Variants in DYSF observed in about 807,000 individuals in gnomAD.
The protein encoded by DYSF is dysferlin, also known as dystrophy-associated fer-1-like 1.
Under a neutral mutation model 274.9 loss-of-function variants are expected in DYSF, and 212 were observed. The observed-to-expected ratio is 0.77, with a 90% CI of 0.69 to 0.86. DYSF has a LOEUF of 0.86. Ranked by LOEUF, DYSF falls within the 40% of genes least tolerant of loss-of-function variation. The pLI, the probability that DYSF is intolerant of heterozygous loss-of-function variation, is 0.00. For missense variants in DYSF, 2,666 were observed against 2,783.2 expected, an observed-to-expected ratio of 0.96 and a Z score of 0.95; for synonymous variants, 1,091 against 1,078.7, an observed-to-expected ratio of 1.01 and a Z score of -0.22.
rs772008300 is a variant in DYSF at position 71,503,228 on chromosome 2, C to T, written c.254C>T (p.Ala85Val). 31 of 1,613,884 alleles carry T rather than the reference C, an allele frequency of 1.9e-5. No homozygotes were observed. Among genetic ancestry groups the T allele is most frequent in the Non-Finnish European group, 2.5e-5 (30 of 1,179,964 alleles). Residue 85 changes from alanine to valine, a missense_variant, in exon 4 of 56, where the codon GCC (alanine) becomes GTC (valine). Around this residue, in one of 3 missense-constraint regions of DYSF, gnomAD observed 794 missense variants for 777.1 expected, o/e 1.02. Coordinates refer to ENST00000410020, the MANE Select transcript of DYSF (RefSeq NM_001130987.2). ...TCTCCTCTCAGGTTCCTGGGGGAAG[C>T]CAAGGTCCCACTCCGAGAGGTCCTC... ...TMGRNRFLGE[A>V]KVPLREVLAT... is the part of the protein sequence containing the mutation.
In DYSF at chr2:71,513,241, CG is replaced by C; in HGVS notation, c.467del (p.Gly156AspfsTer103). ...TLPDLDVVAG[G>X]GQSRAETWSL... ...GGTTATGCCCTGCCCACAAGACAGG[CG>C]GGGGACAGAGCCGGGCCGAGACTTG... On this transcript the variant is annotated frameshift_variant and splice_region_variant, in exon 6 of 56. Transcript: ENST00000410020. LOFTEE classifies it high-confidence loss of function. 6.4e-7 allele frequency: 1 copy of C among 1,551,524 alleles called. No homozygotes were observed. The highest frequency in any genetic ancestry group is 1.7e-4 in the Middle Eastern group (1 of 5,992).
chr2:71,611,690 G>A (rs2093766440), intron 38 of DYSF, 64 bp downstream of exon 38: 5 of 1,570,620 alleles, frequency 3.2e-6, no homozygotes, highest in African/African-American at 2.7e-5. Flanking sequence ...ACATGTCCCC[G>A]AGCAGCCTGG....
intron 40 of DYSF, among the ~76,000 whole-genome samples, chr2:71,618,562 G>GTGTGTGTTTGTGTGGGGTAGAGT (rs1558641014): frequency 1.8e-3 from 249 of 137,680 alleles, no homozygotes; most frequent in South Asian, 4.1e-3. Flanking sequence ...GAGGTGGAGT[G>GTGTGTGTTTGTGTGGGGTAGAGT]TGTGTTTGTG....
intron 14 of DYSF, among the ~76,000 whole-genome samples, chr2:71,534,009 C>T (rs2089035729): frequency 6.9e-6 from 1 of 145,670 alleles, no homozygotes; most frequent in South Asian, 2.1e-4. Context: ...AGGGCCAAAT[C>T]CTGGCACTCA....
rs148171293 is a variant in DYSF, at chr2:71,574,309, C to T, written c.3340C>T (p.Arg1114Cys). Residue 1114 changes from arginine (R) to cysteine (C), a missense_variant, in exon 30 of 56, where the codon CGT (arginine) becomes TGT (cysteine). This residue lies in a region of DYSF where 1,460 missense variants were observed against 1,502.1 expected (regional missense o/e 0.97). Coordinates refer to ENST00000410020, the MANE Select transcript of DYSF (RefSeq NM_001130987.2). ...TDAFRRRRWR[R>C]RMEPLEKTGP... is the part of the protein sequence containing the mutation. ...TGCCTTCCGCCGCCGCCGCTGGCGC[C>T]GTCGCATGGAGCCACTGGAGAAGAC... The T allele has an allele frequency of 2.0e-5, 33 of 1,613,998 alleles. No homozygotes were observed. Among genetic ancestry groups the T allele is most frequent in the African/African-American group, 9.3e-5 (7 of 74,942 alleles).
In DYSF at chr2:71,612,816, G is replaced by A; in HGVS notation, c.4387+10G>A. 1 of 1,606,920 alleles carries A rather than the reference G, an allele frequency of 6.2e-7. No homozygotes were observed. Among genetic ancestry groups the A allele is most frequent in the Admixed American group, 1.7e-5 (1 of 59,862 alleles). On this transcript the variant is annotated intron_variant, in intron 39 of 55. Coordinates refer to ENST00000410020, the MANE Select transcript of DYSF (RefSeq NM_001130987.2). The stretch of plus-strand genomic sequence containing the variant: ...CCACAGGGTGGCCCAGGTAGGGGAA[G>A]GGGAGATGATGGGCAGGTCAGGGAA...
chr2:71,517,073 C>T (rs868080649), intron 10 of DYSF, 34 bp downstream of exon 10: 1 of 1,603,750 alleles, frequency 6.2e-7, no homozygotes, highest in Non-Finnish European at 8.5e-7. Context: ...GCAGTCAGTT[C>T]TCACTTCTCC....
At chr2:71,535,202 G>A in intron 15 of DYSF, 66 bp from the exon 16 acceptor site, 1 of 1,598,382 alleles carries the variant, frequency 6.3e-7, no homozygotes. Flanking sequence ...TTCAGCTCGG[G>A]GTAGGGAGGG....
At chr2:71,569,474 C>T (rs2092303783) in intron 26 of DYSF, among the ~76,000 whole-genome samples, 1 of 152,168 alleles carries the variant, frequency 6.6e-6, no homozygotes, top group Middle Eastern at 3.2e-3. Context: ...ACATATTATA[C>T]AGTCAAGCAC....
chr2:71,553,243 C>T, intron 20 of DYSF, 55 bp downstream of exon 20: 2 of 1,610,260 alleles, frequency 1.2e-6, no homozygotes, highest in Admixed American at 1.7e-5. Flanking sequence ...AGCAGGGGGC[C>T]ACACCTTAAA....
chr2:71,517,329 A>C (rs911961103), intron 10 of DYSF, among the ~76,000 whole-genome samples: 2 of 152,218 alleles, frequency 1.3e-5, no homozygotes, highest in Admixed American at 1.3e-4. Context: ...AGACAGAAAG[A>C]AATCTCACGC....
intron 51 of DYSF, among the ~76,000 whole-genome samples, chr2:71,670,305 G>A (rs537040418): frequency 2.0e-5 from 3 of 152,356 alleles, no homozygotes; most frequent in African/African-American, 7.2e-5. Flanking sequence ...AAGGACCATG[G>A]GGTCTGAGTG....
intron 30 of DYSF, among the ~76,000 whole-genome samples, chr2:71,579,682 A>C (rs1177302685): frequency 6.6e-6 from 1 of 152,198 alleles, no homozygotes; most frequent in Non-Finnish European, 1.5e-5. Context: ...CTGAGGCTCT[A>C]GAGCTGCACT....
intron 47 of DYSF, among the ~76,000 whole-genome samples, 171 bp downstream of exon 47, chr2:71,665,475 AT>A (rs2094981780): frequency 6.6e-6 from 1 of 152,072 alleles, no homozygotes; most frequent in African/African-American, 2.4e-5. Context: ...TACTTTGAGG[AT>A]CAGTACTGAC....
At position 71,590,204 on chromosome 2, in the gene DYSF, G is replaced by C; in HGVS notation, c.3497-7G>C. 1 of 1,613,978 alleles carries C rather than the reference G, an allele frequency of 6.2e-7. No homozygotes were observed. Among genetic ancestry groups the C allele is most frequent in the Non-Finnish European group, 8.5e-7 (1 of 1,179,970 alleles). ...CTCTGGCACCTCTGTTTTTTCCCTT[G>C]GTGAAGATGGGAACCGCTACCATCT... is the stretch of plus-strand genomic sequence containing the variant. On this transcript the variant is annotated splice_region_variant and splice_polypyrimidine_tract_variant and intron_variant, in intron 31 of 55. Transcript: ENST00000410020.
chr2:71,637,229 G>A (rs1011513955), intron 41 of DYSF, among the ~76,000 whole-genome samples: 1 of 152,130 alleles, frequency 6.6e-6, no homozygotes, highest in Non-Finnish European at 1.5e-5. Context: ...AGGGATGTTG[G>A]TGACACAGGA....
chr2:71,665,342 C>CG, intron 47 of DYSF, 38 bp downstream of exon 47: 1 of 1,613,442 alleles, frequency 6.2e-7, no homozygotes, highest in Non-Finnish European at 8.5e-7. Context: ...GGTGGGCTCT[C>CG]GCTGTATCCC....
At chr2:71,457,399 G>T (rs2081111916) in intron 1 of DYSF, among the ~76,000 whole-genome samples, 1 of 152,088 alleles carries the variant, frequency 6.6e-6, no homozygotes, top group Non-Finnish European at 1.5e-5. Flanking sequence ...CTAAGTATCT[G>T]GCTCCTGAGC....
At chr2:71,484,294 C>A (rs893595576) in intron 3 of DYSF, among the ~76,000 whole-genome samples, 1 of 152,070 alleles carries the variant, frequency 6.6e-6, no homozygotes, top group Non-Finnish European at 1.5e-5. Flanking sequence ...CTCAGGTGAT[C>A]CTCCTGGCTC....
Sources: allele counts gnomAD v4.1 joint callset (sites outside exome capture counted in the v4.1 genomes callset), GRCh38; gene constraint gnomAD v4.1.1; regional missense constraint gnomAD v4.1.1; transcripts MANE v1.5; gene names NCBI Gene and HGNC (gene_info 2026-07-23, HGNC 2026-07-21).